Variants in ARHGAP26 observed in about 807,000 individuals in gnomAD.
ARHGAP26 encodes rho GTPase-activating protein 26.
In ARHGAP26, 38 loss-of-function variants were observed where a neutral mutation model predicts 104.8. The ratio of observed to expected loss-of-function variants is 0.36; its 90% CI spans 0.28 to 0.48. The LOEUF (loss-of-function observed/expected upper bound fraction) is 0.48, where lower values mean the gene tolerates loss of function less well. Among genes scored for constraint, ARHGAP26 ranks in the 20% least tolerant of loss-of-function variants. The probability of loss-of-function intolerance (pLI) is 0.99; values close to 1 mark genes in which losing one functional copy is unlikely to be tolerated. For missense variants in ARHGAP26, 704 were observed against 947.9 expected (o/e 0.74, Z 3.38); for synonymous variants, 341 against 340.0 (o/e 1.00, Z -0.03).
chr5:142,880,493 G>A (rs1247955754), intron 4 of ARHGAP26, among the ~76,000 whole-genome samples: 1 of 148,622 alleles, frequency 6.7e-6, no homozygotes, highest in Non-Finnish European at 1.5e-5. Flanking sequence ...CTGCAGCCTG[G>A]GCAACAGAGC....
rs11375975 is a variant in ARHGAP26 at position 142,978,747 on chromosome 5, CTTT to C, written c.1108-35317_1108-35315del. ...GCTTTATGTCAAGAAAGGAGTTTGC[CTTT>C]TTTTTTTTTTTTTTTGTAAAAATTG... On this transcript the variant is annotated intron_variant, in intron 11 of 22. Transcript: ENST00000645722. Among the ~76,000 whole-genome samples the C allele has an allele frequency of 2.7e-3, 340 of 124,632 alleles. 1 individual carries two copies. The highest frequency in any genetic ancestry group is 9.7e-3 in the African/African-American group (331 of 34,104). 81.8% of individuals were successfully genotyped at this position (124,632 alleles called of 152,430 possible).
chr5:142,875,942 T>C (rs1320169116), intron 3 of ARHGAP26, among the ~76,000 whole-genome samples: 1 of 152,210 alleles, frequency 6.6e-6, no homozygotes, highest in South Asian at 2.1e-4. Flanking sequence ...GAGGTCTTGC[T>C]GTGTTACCCA....
At chr5:143,017,008 C>T (rs940889453) in intron 12 of ARHGAP26, among the ~76,000 whole-genome samples, 1 of 152,084 alleles carries the variant, frequency 6.6e-6, no homozygotes, top group Admixed American at 6.5e-5. Context: ...TGCAACACTC[C>T]TTCTGTTTAT....
At chr5:142,983,134 C>T (rs1267977643) in intron 11 of ARHGAP26, among the ~76,000 whole-genome samples, 3 of 152,174 alleles carry the variant, frequency 2.0e-5, no homozygotes, top group Non-Finnish European at 4.4e-5. Flanking sequence ...ATGGAGACAC[C>T]TGTATGTCTG....
intron 1 of ARHGAP26, among the ~76,000 whole-genome samples, chr5:142,809,208 A>G (rs181108113): frequency 6.6e-6 from 1 of 152,236 alleles, no homozygotes; most frequent in Non-Finnish European, 1.5e-5. Context: ...TGTGTGTTTT[A>G]TCAGTCTTAG....
chr5:142,878,243 A>G (rs1756407903), intron 3 of ARHGAP26, among the ~76,000 whole-genome samples: 1 of 152,218 alleles, frequency 6.6e-6, no homozygotes, highest in South Asian at 2.1e-4. Context: ...TGATAAATGA[A>G]TGACTTAAAA....
intron 18 of ARHGAP26, among the ~76,000 whole-genome samples, chr5:143,133,602 G>C (rs980607758): frequency 2.0e-5 from 3 of 152,184 alleles, no homozygotes; most frequent in Non-Finnish European, 2.9e-5. Context: ...TTGATTCATT[G>C]GTTCTGGACA....
chr5:142,947,678 C>T (rs990343368), intron 11 of ARHGAP26, among the ~76,000 whole-genome samples: 2 of 152,194 alleles, frequency 1.3e-5, no homozygotes, highest in Admixed American at 1.3e-4. Context: ...TTTCTGTTAA[C>T]TAGTCTATAC....
At chr5:143,132,018 T>G (rs1310979802) in intron 18 of ARHGAP26, among the ~76,000 whole-genome samples, 1 of 152,132 alleles carries the variant, frequency 6.6e-6, no homozygotes, top group African/African-American at 2.4e-5. Context: ...GTTAGGAGTT[T>G]TTTCTTGCTT....
chr5:143,052,237 C>T lies in ARHGAP26; in HGVS notation c.1286-2202C>T, dbSNP rs1005114737. Among the ~76,000 whole-genome samples the T allele has an allele frequency of 2.6e-5, 4 of 151,962 alleles. No individual in the cohort carries two copies. In the East Asian group the frequency reaches 5.8e-4, roughly 22 times the overall value. ...CTGTAATCCCAGCACTTTAGGAGGC[C>T]GAGGCGGGCGGATCTCGAGGTCAGG... is the stretch of plus-strand genomic sequence containing the variant. On this transcript the variant is annotated intron_variant, in intron 14 of 22. Coordinates refer to ENST00000645722, the MANE Select transcript of ARHGAP26 (RefSeq NM_001135608.3).
At chr5:142,784,809 C>A (rs73795910) in intron 1 of ARHGAP26, among the ~76,000 whole-genome samples, 1,709 of 152,160 alleles carry the variant, frequency 0.011, 34 homozygotes, top group African/African-American at 0.04. Flanking sequence ...TTCATCTTCA[C>A]GATTAATATT....
chr5:143,118,804 G>C (rs578019414), intron 17 of ARHGAP26, among the ~76,000 whole-genome samples: 1 of 151,988 alleles, frequency 6.6e-6, no homozygotes, highest in East Asian at 1.9e-4. Flanking sequence ...TGGGGAGAGG[G>C]GGGAGGGATA....
rs577329290 is a variant in ARHGAP26, at chr5:143,207,252, G to A, written c.2043G>A (p.Ser681=). 31 of 1,614,020 alleles carry A rather than the reference G, an allele frequency of 1.9e-5. No individual in the cohort carries two copies. The highest frequency in any genetic ancestry group is 8.8e-5 in the South Asian group (8 of 91,072). Residue 681 remains serine (S), a synonymous_variant, in exon 21 of 23, where the codon TCG becomes TCA. Transcript: ENST00000645722. ...TCTCGCCATCTTGGCCCATGTTCTC[G>A]GCGCCATCCAGCCCTATGCCCACCT... is the stretch of plus-strand genomic sequence containing the variant. ...SPLSPSWPMF[S]APSSPMPTSS...
At chr5:143,195,550 T>C (rs548396155) in intron 20 of ARHGAP26, among the ~76,000 whole-genome samples, 39 of 152,264 alleles carry the variant, frequency 2.6e-4, no homozygotes, top group African/African-American at 8.9e-4. Context: ...AGAGACATCC[T>C]CCTTGACGTC....
At chr5:142,942,160 T>C (rs1410609955) in intron 11 of ARHGAP26, among the ~76,000 whole-genome samples, 1 of 152,212 alleles carries the variant, frequency 6.6e-6, no homozygotes, top group Non-Finnish European at 1.5e-5. Context: ...TTGCCTTCGT[T>C]ATCTGAGACC....
At chr5:143,019,230 A>G (rs757542920) in intron 12 of ARHGAP26, among the ~76,000 whole-genome samples, 15 of 152,172 alleles carry the variant, frequency 9.9e-5, no homozygotes, top group Non-Finnish European at 1.6e-4. Context: ...GAGTATTGGT[A>G]ATAAAGAAGA....
intron 20 of ARHGAP26, among the ~76,000 whole-genome samples, chr5:143,180,106 C>A (rs1052088939): frequency 2.0e-5 from 3 of 152,076 alleles, no homozygotes; most frequent in African/African-American, 7.2e-5. Flanking sequence ...TTCAGAGAGT[C>A]AGGTTTTAAA....
intron 1 of ARHGAP26, among the ~76,000 whole-genome samples, chr5:142,794,860 T>A (rs2151930692): frequency 6.6e-6 from 1 of 152,266 alleles, no homozygotes; most frequent in East Asian, 1.9e-4. Context: ...TCTTCCAGAG[T>A]CTCTTTCTCT....
intron 11 of ARHGAP26, among the ~76,000 whole-genome samples, chr5:142,936,291 C>T (rs1449673455): frequency 2.0e-5 from 3 of 152,032 alleles, no homozygotes; most frequent in African/African-American, 7.2e-5. Context: ...GTCAGTCTCC[C>T]CAAAAATGAA....
Sources: allele counts gnomAD v4.1 joint callset (sites outside exome capture counted in the v4.1 genomes callset), GRCh38; gene constraint gnomAD v4.1.1; transcripts MANE v1.5; gene names NCBI Gene and HGNC (gene_info 2026-07-23, HGNC 2026-07-21).